ZNF532: variants seen among roughly 807,000 people sequenced by gnomAD.
The protein encoded by ZNF532 is zinc finger protein 532.
ZNF532 carries 22 observed loss-of-function variants against 89.3 expected under a neutral mutation model. The observed-to-expected ratio is 0.25, with a 90% CI of 0.18 to 0.35. ZNF532 has a LOEUF of 0.35. ZNF532 is among the 10% of genes least tolerant of loss of function. The pLI is 1.00. For synonymous variants in ZNF532, 606 were observed against 649.6 expected, an observed-to-expected ratio of 0.93 and a Z score of 1.02; for missense variants, 1,132 against 1,643.4, an observed-to-expected ratio of 0.69 and a Z score of 5.38.
intron 5 of ZNF532, 34 bp downstream of exon 5, chr18:58,939,655 T>A (rs754227041): frequency 4.4e-6 from 7 of 1,585,524 alleles, no homozygotes; most frequent in Non-Finnish European, 5.1e-6. Context: ...TTTACTCCAC[T>A]GCTTTATTAG....
chr18:58,895,854 TTTC>T (rs1381979346), intron 2 of ZNF532, among the ~76,000 whole-genome samples: 14 of 147,584 alleles, frequency 9.5e-5, no homozygotes, highest in African/African-American at 2.8e-4. Flanking sequence ...TCTTTCTTTC[TTTC>T]TTTTTTTTTT....
chr18:58,906,215 G>A (rs1313239790), intron 2 of ZNF532, among the ~76,000 whole-genome samples: 1 of 152,104 alleles, frequency 6.6e-6, no homozygotes, highest in Non-Finnish European at 1.5e-5. Flanking sequence ...ATAAGGGTGG[G>A]GCATCTACAT....
intron 6 of ZNF532, among the ~76,000 whole-genome samples, chr18:58,952,101 A>G (rs1440840186): frequency 1.3e-5 from 2 of 152,212 alleles, no homozygotes; most frequent in African/African-American, 4.8e-5. Context: ...TGTTTAGAGA[A>G]GACCTTGCCT....
intron 7 of ZNF532, among the ~76,000 whole-genome samples, chr18:58,971,343 A>G (rs755802315): frequency 1.3e-5 from 2 of 152,206 alleles, no homozygotes; most frequent in African/African-American, 2.4e-5. Context: ...ATAAATTTAC[A>G]TAAATTTGGT....
rs541072533 is a variant in ZNF532, at chr18:58,952,223, C to T, written c.2869-1295C>T. On this transcript the variant is annotated intron_variant, in intron 6 of 9. Coordinates refer to ENST00000591808, the MANE Select transcript of ZNF532 (RefSeq NM_001375912.1). ...TGAGTCTCTGTGACCCAGGGGAACTCGGATGTGTGAAAGCCTCTTAGGAAA... is the reference window on the plus strand; with the variant it reads ...TGAGTCTCTGTGACCCAGGGGAACTTGGATGTGTGAAAGCCTCTTAGGAAA... Among the ~76,000 whole-genome samples, 65 of 152,198 alleles carry T rather than the reference C, an allele frequency of 4.3e-4. 1 individual carries two copies. In the South Asian group the frequency reaches 0.013, roughly 30 times the overall value.
At chr18:58,976,665 T>C (rs11877544) in intron 7 of ZNF532, among the ~76,000 whole-genome samples, 4,686 of 152,204 alleles carry the variant, frequency 0.031, 266 homozygotes, top group African/African-American at 0.11. Flanking sequence ...TCTGAGTAGC[T>C]GGGATTATAG....
chr18:58,874,050 G>A (rs2135476), intron 2 of ZNF532, among the ~76,000 whole-genome samples: 34,243 of 152,060 alleles, frequency 0.23, 4,446 homozygotes, highest in Middle Eastern at 0.41. Context: ...GTTGTTTTGT[G>A]GTCTTTGGTC....
intron 3 of ZNF532, chr18:58,934,088 T>G: frequency 5.6e-6 from 1 of 179,258 alleles, no homozygotes; most frequent in Non-Finnish European, 1.2e-5. Context: ...GCCTATAAAC[T>G]TGTTACTATA....
intron 2 of ZNF532, among the ~76,000 whole-genome samples, chr18:58,912,148 A>G (rs1177352026): frequency 6.6e-6 from 1 of 152,162 alleles, no homozygotes; most frequent in Non-Finnish European, 1.5e-5. Context: ...TCGTGGCATT[A>G]GTATGTGACT....
At chr18:58,909,752 A>G (rs532108759) in intron 2 of ZNF532, among the ~76,000 whole-genome samples, 4 of 152,176 alleles carry the variant, frequency 2.6e-5, no homozygotes, top group South Asian at 2.1e-4. Context: ...AGACTACACT[A>G]TTCAGCGACG....
intron 7 of ZNF532, among the ~76,000 whole-genome samples, chr18:58,954,549 G>A (rs981019291): frequency 4.6e-5 from 7 of 151,534 alleles, no homozygotes; most frequent in Non-Finnish European, 7.4e-5. Flanking sequence ...TTTATTTTAC[G>A]TAGTCCTCCT....
chr18:58,982,809 G>A (rs2067967365), intron 9 of ZNF532, among the ~76,000 whole-genome samples: 1 of 151,884 alleles, frequency 6.6e-6, no homozygotes, highest in Non-Finnish European at 1.5e-5. Flanking sequence ...TGCTCCTGGT[G>A]GTGAGTTAAA....
intron 2 of ZNF532, among the ~76,000 whole-genome samples, chr18:58,902,483 A>AC (rs1295518090): frequency 6.2e-5 from 9 of 145,246 alleles, no homozygotes. Flanking sequence ...ACTCCAGGTG[A>AC]CCCTTCTCCT....
chr18:58,939,246 C>CAAAAAAAAA lies in ZNF532; in HGVS notation c.2529-178_2529-170dup, dbSNP rs71336307. Among the ~76,000 whole-genome samples, 65 of 34,504 alleles carry CAAAAAAAAA rather than the reference C, an allele frequency of 1.9e-3. 6 individuals carry two copies. Among genetic ancestry groups the CAAAAAAAAA allele is most frequent in the African/African-American group, 5.4e-3 (57 of 10,546 alleles). 22.6% of individuals were successfully genotyped at this position (34,504 alleles called of 152,430 possible). On this transcript the variant is annotated intron_variant, in intron 4 of 9. Coordinates refer to ENST00000591808, the MANE Select transcript of ZNF532 (RefSeq NM_001375912.1). ...TGGGCGACAGAGCGAGACGTTGTCTCAAAAAAAAAAAAAAAAAAAAAAAAA... is the reference window on the plus strand; with the variant it reads ...TGGGCGACAGAGCGAGACGTTGTCTCAAAAAAAAAAAAAAAAAAAAAAAAAAAAAAAAAA...
At chr18:58,963,538 T>C (rs2065571735) in intron 7 of ZNF532, among the ~76,000 whole-genome samples, 1 of 151,830 alleles carries the variant, frequency 6.6e-6, no homozygotes, top group African/African-American at 2.4e-5. Context: ...ACCACCATGC[T>C]TAGAATCAGA....
chr18:58,893,307 T>A (rs967954012), intron 2 of ZNF532, among the ~76,000 whole-genome samples: 3 of 151,912 alleles, frequency 2.0e-5, no homozygotes, highest in African/African-American at 7.2e-5. Context: ...TGTCTGTGAG[T>A]TGATTTAGAA....
At chr18:58,871,287 C>T (rs114022427) in intron 2 of ZNF532, among the ~76,000 whole-genome samples, 6 of 152,132 alleles carry the variant, frequency 3.9e-5, no homozygotes, top group African/African-American at 1.4e-4. Flanking sequence ...CCAGACTGGA[C>T]TCAAACTAGC....
intron 5 of ZNF532, among the ~76,000 whole-genome samples, chr18:58,945,216 C>CT (rs1218170386): frequency 6.6e-6 from 1 of 152,192 alleles, no homozygotes; most frequent in African/African-American, 2.4e-5. Flanking sequence ...CAGGCCTCTC[C>CT]TGTGGCTGAC....
chr18:58,872,687 C>G (rs1442549942), intron 2 of ZNF532, among the ~76,000 whole-genome samples: 1 of 144,676 alleles, frequency 6.9e-6, no homozygotes, highest in Non-Finnish European at 1.5e-5. Flanking sequence ...TCTCTGCCTT[C>G]CAACATTTAT....
Sources: gnomAD v4.1 joint callset for allele counts (sites outside exome capture counted in the v4.1 genomes callset) on GRCh38, gnomAD v4.1.1 for gene constraint, MANE v1.5 for transcripts, NCBI Gene and HGNC (gene_info 2026-07-23, HGNC 2026-07-21) for gene names.